The following MOB3B variants were observed in gnomAD, a reference collection of about 807,000 sequenced individuals.
MOB3B encodes MOB kinase activator 3B, also known as MOB kinase activator-like 2B.
Under a neutral mutation model 18.7 loss-of-function variants are expected in MOB3B, and 7 were observed. That is an observed-to-expected ratio of 0.37 (90% CI 0.21 to 0.70). MOB3B has a LOEUF of 0.70. Ranked by LOEUF, MOB3B falls within the 30% of genes least tolerant of loss-of-function variation. The probability of loss-of-function intolerance (pLI) is 0.52; values close to 1 mark genes in which losing one functional copy is unlikely to be tolerated. For synonymous variants in MOB3B, 111 were observed against 99.9 expected, an observed-to-expected ratio of 1.11 and a Z score of -0.66; for missense variants, 253 against 281.3, an observed-to-expected ratio of 0.90 and a Z score of 0.72.
At chr9:27,515,819 C>G (rs548119326) in intron 1 of MOB3B, among the ~76,000 whole-genome samples, 2 of 152,170 alleles carry the variant, frequency 1.3e-5, no homozygotes, top group African/African-American at 4.8e-5. Flanking sequence ...TATCCCCTGT[C>G]GTGGATTGAA....
At chr9:27,343,388 T>G (rs1053049137) in intron 3 of MOB3B, among the ~76,000 whole-genome samples, 1 of 149,578 alleles carries the variant, frequency 6.7e-6, no homozygotes, top group Non-Finnish European at 1.5e-5. Flanking sequence ...CTTGTTCACA[T>G]GTTTATCTGC....
intron 2 of MOB3B, among the ~76,000 whole-genome samples, chr9:27,401,556 C>T (rs1485615435): frequency 2.0e-5 from 3 of 152,176 alleles, no homozygotes; most frequent in Admixed American, 2.0e-4. Flanking sequence ...CTGACAACTC[C>T]ACAGGTATAT....
intron 2 of MOB3B, among the ~76,000 whole-genome samples, chr9:27,380,482 C>A (rs1821561134): frequency 6.6e-6 from 1 of 152,092 alleles, no homozygotes; most frequent in Non-Finnish European, 1.5e-5. Flanking sequence ...CGTGATCCAC[C>A]CGCCTCGGCC....
chr9:27,451,902 T>C (rs1419699087), intron 2 of MOB3B, among the ~76,000 whole-genome samples: 1 of 152,156 alleles, frequency 6.6e-6, no homozygotes, highest in East Asian at 1.9e-4. Flanking sequence ...TAGCTCCTAA[T>C]AATACGTTCT....
At position 27,344,194 on chromosome 9, in the gene MOB3B, G is replaced by A. The variant is rs183317024; in HGVS notation, c.622-13578C>T. Reference sequence around the variant, plus strand: ...TTACACATAAGGCCATTAGTGAAACGAAACAAAAATCCTCATAGGAGTTTT... The same window carrying A: ...TTACACATAAGGCCATTAGTGAAACAAAACAAAAATCCTCATAGGAGTTTT... On this transcript the variant is annotated intron_variant, in intron 3 of 3. Coordinates refer to ENST00000262244, the MANE Select transcript of MOB3B (RefSeq NM_024761.5). 1.2e-4 allele frequency among the ~76,000 whole-genome samples: 18 copies of A among 152,168 alleles called. No homozygotes were observed. The South Asian group carries it at 2.9e-3, about 25-fold the overall frequency.
At position 27,327,801 on chromosome 9, in the gene MOB3B, C is replaced by T. The variant is rs550995258; in HGVS notation, c.*2786G>A. The T allele has an allele frequency of 9.9e-5, 15 of 151,942 alleles. No individual in the cohort carries two copies. The highest frequency in any genetic ancestry group is 2.9e-4 in the African/African-American group (12 of 41,434). 9.4% of individuals were successfully genotyped at this position (151,942 alleles called of 1,614,324 possible). A position where few individuals can be genotyped will look rare whatever the true frequency, so the allele number is the denominator to read the frequency against. On this transcript the variant is annotated 3_prime_UTR_variant, in exon 4 of 4. Transcript: ENST00000262244. ...CAGTATCAGTGTTCAGTTTCATGGG[C>T]GTGAAAATATTGCAGATTTATAGGA... is the stretch of plus-strand genomic sequence containing the variant.
At chr9:27,405,159 G>A (rs1821948110) in intron 2 of MOB3B, among the ~76,000 whole-genome samples, 1 of 129,036 alleles carries the variant, frequency 7.7e-6, no homozygotes, top group African/African-American at 3.0e-5. Flanking sequence ...CCAGGCTGGA[G>A]TGCAGTGGTG....
intron 2 of MOB3B, among the ~76,000 whole-genome samples, chr9:27,444,512 T>C (rs1278169262): frequency 6.6e-6 from 1 of 152,222 alleles, no homozygotes; most frequent in East Asian, 1.9e-4. Flanking sequence ...GCCTAAATTT[T>C]TCTACTTGAA....
Position 27,343,017 on chromosome 9 carries a change from G to A in MOB3B, c.622-12401C>T, listed in dbSNP as rs181479429. Reference sequence around the variant, plus strand: ...CTCATTGAGAACGGGCCATGATGACGATGGTGGTTTTGTAGAATAGAAAAG... The same window carrying A: ...CTCATTGAGAACGGGCCATGATGACAATGGTGGTTTTGTAGAATAGAAAAG... On this transcript the variant is annotated intron_variant, in intron 3 of 3. Transcript: ENST00000262244. Among the ~76,000 whole-genome samples the A allele has an allele frequency of 2.4e-3, 358 of 151,566 alleles. 2 individuals are homozygous for A. Among genetic ancestry groups the A allele is most frequent in the Admixed American group, 6.8e-3 (104 of 15,262 alleles).
chr9:27,471,653 G>T (rs1167425086), intron 1 of MOB3B, among the ~76,000 whole-genome samples: 1 of 152,240 alleles, frequency 6.6e-6, no homozygotes, highest in African/African-American at 2.4e-5. Flanking sequence ...TGCCATGAGA[G>T]TTAAATTACA....
chr9:27,467,235 G>C (rs952206664), intron 1 of MOB3B, among the ~76,000 whole-genome samples: 1 of 152,204 alleles, frequency 6.6e-6, no homozygotes, highest in Non-Finnish European at 1.5e-5. Flanking sequence ...GCAGGTCTGA[G>C]TCCAGACTCT....
intron 2 of MOB3B, among the ~76,000 whole-genome samples, chr9:27,423,150 TG>T (rs1158446478): frequency 1.3e-5 from 2 of 152,222 alleles, no homozygotes; most frequent in African/African-American, 4.8e-5. Flanking sequence ...GCACTGGCCT[TG>T]CCTGTGACTC....
At chr9:27,373,799 T>C (rs1372415064) in intron 2 of MOB3B, among the ~76,000 whole-genome samples, 1 of 152,214 alleles carries the variant, frequency 6.6e-6, no homozygotes, top group Admixed American at 6.5e-5. Flanking sequence ...AACTCTGCAG[T>C]TGTTTTCCCT....
chr9:27,481,505 TTTTTTGTTTTTTTTG>T (rs1819650674), intron 1 of MOB3B, among the ~76,000 whole-genome samples: 1 of 51,612 alleles, frequency 1.9e-5, no homozygotes, highest in Non-Finnish European at 4.2e-5. Flanking sequence ...TAGTTTTTTT[TTTTTTGTTTTTTTTG>T]TTTTTTTTTT....
intron 3 of MOB3B, among the ~76,000 whole-genome samples, chr9:27,340,553 A>C (rs866208051): frequency 1.3e-5 from 2 of 151,960 alleles, no homozygotes; most frequent in African/African-American, 4.8e-5. Flanking sequence ...ATCTCTGCAG[A>C]TCCCCTCCCT....
intron 3 of MOB3B, among the ~76,000 whole-genome samples, chr9:27,336,686 C>T (rs751997982): frequency 6.6e-6 from 1 of 151,916 alleles, no homozygotes; most frequent in Non-Finnish European, 1.5e-5. Context: ...ATTTTAAAGC[C>T]GTTGGATGTT....
At position 27,327,663 on chromosome 9, in the gene MOB3B, T is replaced by C. The variant is rs557278904; in HGVS notation, c.*2924A>G. ...AAAGGAAACAAAAGAGAATGACAAC[T>C]ACATATAACGTATAATTCTTGATTG... is the stretch of plus-strand genomic sequence containing the variant. On this transcript the variant is annotated 3_prime_UTR_variant, in exon 4 of 4. Coordinates refer to ENST00000262244, the MANE Select transcript of MOB3B (RefSeq NM_024761.5). 2 of 152,190 alleles carry C rather than the reference T, an allele frequency of 1.3e-5. No homozygotes were observed. Among genetic ancestry groups the C allele is most frequent in the East Asian group, 3.9e-4 (2 of 5,172 alleles). The allele number at this position is 152,190 out of a possible 1,614,324, so 9.4% of individuals were successfully genotyped here.
In MOB3B at chr9:27,374,687, A is replaced by G. The variant is rs538556600; in HGVS notation, c.419-15451T>C. On this transcript the variant is annotated intron_variant, in intron 2 of 3. Transcript: ENST00000262244. ...CAGGACTGTCTTCTTTGGACTACAT[A>G]TTTTTAAAATGCTACCAATATTTAG... is the stretch of plus-strand genomic sequence containing the variant. 1.1e-4 allele frequency among the ~76,000 whole-genome samples: 17 copies of G among 152,240 alleles called. No individual in the cohort carries two copies. The South Asian group carries it at 3.3e-3, about 30-fold the overall frequency.
At chr9:27,414,750 C>T (rs1822120763) in intron 2 of MOB3B, among the ~76,000 whole-genome samples, 4 of 152,168 alleles carry the variant, frequency 2.6e-5, no homozygotes, top group South Asian at 4.1e-4. Context: ...TGCATGCAGG[C>T]CTTCCAAGCA....
Sources: gnomAD v4.1 joint callset for allele counts (sites outside exome capture counted in the v4.1 genomes callset) on GRCh38, gnomAD v4.1.1 for gene constraint, MANE v1.5 for transcripts, NCBI Gene and HGNC (gene_info 2026-07-23, HGNC 2026-07-21) for gene names.